Variants in SMG7 observed in about 807,000 individuals in gnomAD.
The protein encoded by SMG7 is SMG7 nonsense mediated mRNA decay factor, also known as nonsense-mediated mRNA decay factor SMG7.
A neutral mutation model predicts 148.2 loss-of-function variants in SMG7; 34 were observed. The observed-to-expected ratio is 0.23, with a 90% CI of 0.17 to 0.31. The LOEUF (loss-of-function observed/expected upper bound fraction) is 0.31. Ranked by LOEUF, SMG7 falls within the 10% of genes least tolerant of loss-of-function variation. The probability of loss-of-function intolerance (pLI) is 1.00; values close to 1 mark genes in which losing one functional copy is unlikely to be tolerated. For missense variants in SMG7, 1,114 were observed against 1,408.4 expected, an observed-to-expected ratio of 0.79 and a Z score of 3.35; for synonymous variants, 492 against 515.1, an observed-to-expected ratio of 0.96 and a Z score of 0.61.
Position 183,552,334 on chromosome 1 carries a change from A to G in SMG7, c.*403A>G. ...TTCCTCTTTGGGGAATAAAATAGGA[A>G]TCCATTAATGATTGCTTTGCTGACT... On this transcript the variant is annotated 3_prime_UTR_variant, in exon 23 of 23. Transcript: ENST00000688051. The G allele has an allele frequency of 1.0e-6, 1 of 996,658 alleles. No homozygotes were observed. Among genetic ancestry groups the G allele is most frequent in the Non-Finnish European group, 1.2e-6 (1 of 837,230 alleles). 61.7% of individuals were successfully genotyped at this position (996,658 alleles called of 1,614,324 possible).
intron 1 of SMG7, among the ~76,000 whole-genome samples, chr1:183,484,352 G>GA (rs34570462): frequency 2.8e-4 from 40 of 142,868 alleles, no homozygotes; most frequent in Middle Eastern, 7.2e-3. Flanking sequence ...ATTTTTTTCT[G>GA]AAAAAAAATT....
chr1:183,542,085 G>A lies in SMG7; in HGVS notation c.1425G>A (p.Gln475=). The change falls in exon 14 of 23, where the codon CAG becomes CAA. Residue 475 remains glutamine (Q), a synonymous_variant. Transcript: ENST00000688051. ...ATTTTTGCTTTTTTAGGCTGATTCA[G>A]TGTGAAAATGAGGTAGGGAAATTGT... The part of the protein sequence containing the change: ...WIADNQPRLI[Q]CENEVGKLLF... The A allele has an allele frequency of 6.2e-7, 1 of 1,608,930 alleles. No individual in the cohort carries two copies. The highest frequency in any genetic ancestry group is 8.5e-7 in the Non-Finnish European group (1 of 1,176,816).
At chr1:183,499,007 A>G (rs533542136) in intron 1 of SMG7, among the ~76,000 whole-genome samples, 135 of 152,204 alleles carry the variant, frequency 8.9e-4, no homozygotes, top group African/African-American at 3.2e-3. Flanking sequence ...TTGGAATCCT[A>G]TGGTATATAG....
intron 9 of SMG7, 102 bp downstream of exon 9, chr1:183,533,428 T>C: frequency 8.0e-7 from 1 of 1,247,580 alleles, no homozygotes; most frequent in Non-Finnish European, 1.1e-6. Context: ...AAGCATAGTG[T>C]ATTTCTTACA....
rs755901679 is a variant in SMG7 at position 183,515,895 on chromosome 1, A to C, written c.83A>C (p.Glu28Ala). The C allele has an allele frequency of 1.9e-6, 3 of 1,612,070 alleles. No individual in the cohort carries two copies. In the East Asian group the frequency reaches 6.7e-5, roughly 36 times the overall value. Residue 28 changes from glutamate to alanine, a missense_variant, in exon 3 of 23, where the codon GAA becomes GCA. Glu to Ala is a moderately radical substitution (Grantham distance 107, BLOSUM62 -1). Transcript: ENST00000688051. ...TCAGATTCTAAGCTGGGTCCAGCTG[A>C]AGTCTGGACATCCAGGCAGGCTCTG... is the stretch of plus-strand genomic sequence containing the variant. ...DMTDSKLGPA[E>A]VWTSRQALQD...
chr1:183,525,937 A>C (rs1665742920), intron 4 of SMG7, among the ~76,000 whole-genome samples: 1 of 152,078 alleles, frequency 6.6e-6, no homozygotes, highest in African/African-American at 2.4e-5. Flanking sequence ...AATATTTAAT[A>C]ATTTTTGGGT....
At chr1:183,504,539 A>C (rs1054173477) in intron 1 of SMG7, among the ~76,000 whole-genome samples, 5 of 151,926 alleles carry the variant, frequency 3.3e-5, no homozygotes, top group African/African-American at 1.2e-4. Flanking sequence ...CAGTTTCACC[A>C]TGTTGGCCAG....
At chr1:183,529,641 G>A in intron 8 of SMG7, 108 bp downstream of exon 8, 1 of 820,136 alleles carries the variant, frequency 1.2e-6, no homozygotes, top group Non-Finnish European at 1.9e-6. Flanking sequence ...GTGAACTATT[G>A]GTAAAAATTA....
At chr1:183,501,906 A>G (rs189456516) in intron 1 of SMG7, among the ~76,000 whole-genome samples, 1 of 152,224 alleles carries the variant, frequency 6.6e-6, no homozygotes, top group East Asian at 1.9e-4. Flanking sequence ...TTTCTTCAGT[A>G]AGGAGTCCAT....
chr1:183,554,076 TC>T lies in SMG7; in HGVS notation c.*2146del, dbSNP rs1329868074. On this transcript the variant is annotated 3_prime_UTR_variant, in exon 23 of 23. Coordinates refer to ENST00000688051, the MANE Select transcript of SMG7 (RefSeq NM_001375584.1). The stretch of plus-strand genomic sequence containing the variant: ...GAAACTGGTTTTGTGTAGTAAACTT[TC>T]TTTTGTGGTTTTTTGTTTTGTTTTC... The T allele has an allele frequency of 3.3e-5, 5 of 152,752 alleles. No homozygotes were observed. In the East Asian group the frequency reaches 9.7e-4, roughly 29 times the overall value. 9.5% of individuals were successfully genotyped at this position (152,752 alleles called of 1,614,324 possible).
In SMG7 at chr1:183,513,758, G is replaced by A. The variant is rs192234100; in HGVS notation, c.61+890G>A. On this transcript the variant is annotated intron_variant, in intron 2 of 22. Coordinates refer to ENST00000688051, the MANE Select transcript of SMG7 (RefSeq NM_001375584.1). ...GAAAGGAGTAAATGAGGCATGGTGC[G>A]GTGGCTCACGCCTGTAATCCCAGCA... Among the ~76,000 whole-genome samples the A allele has an allele frequency of 3.8e-3, 578 of 152,002 alleles. 2 individuals carry two copies. Among genetic ancestry groups the A allele is most frequent in the African/African-American group, 0.013 (548 of 41,512 alleles).
chr1:183,544,538 T>G, intron 15 of SMG7, 41 bp downstream of exon 15: 1 of 1,595,106 alleles, frequency 6.3e-7, no homozygotes. Flanking sequence ...ATCTTTTCTG[T>G]GCAAGAATTT....
chr1:183,551,373 G>C (rs1458377019), intron 22 of SMG7, among the ~76,000 whole-genome samples, 183 bp downstream of exon 22: 1 of 152,182 alleles, frequency 6.6e-6, no homozygotes, highest in Admixed American at 6.5e-5. Flanking sequence ...TTTAATTTCT[G>C]AATTCACTAG....
intron 17 of SMG7, among the ~76,000 whole-genome samples, 181 bp from the exon 18 acceptor site, chr1:183,546,922 T>A (rs551144082): frequency 1.3e-5 from 2 of 152,372 alleles, no homozygotes; most frequent in African/African-American, 4.8e-5. Context: ...TTGAACTTTC[T>A]CCATTATTGT....
At chr1:183,512,974 G>A (rs529317250) in intron 2 of SMG7, 106 bp downstream of exon 2, 641 of 990,588 alleles carry the variant, frequency 6.5e-4, no homozygotes, top group Non-Finnish European at 8.9e-4. Context: ...CATCTTAGTT[G>A]CCAAAAGGGA....
intron 1 of SMG7, among the ~76,000 whole-genome samples, chr1:183,510,208 T>A (rs1400295878): frequency 6.6e-6 from 1 of 152,170 alleles, no homozygotes; most frequent in African/African-American, 2.4e-5. Context: ...AAATGAAAGG[T>A]CATTCATTGA....
In SMG7 at chr1:183,546,041, G is replaced by C; in HGVS notation, c.2446G>C (p.Val816Leu). 1.2e-6 allele frequency: 2 copies of C among 1,613,928 alleles called. No individual in the cohort carries two copies. Among genetic ancestry groups the C allele is most frequent in the Non-Finnish European group, 1.7e-6 (2 of 1,179,948 alleles). The change falls in exon 17 of 23, where the codon GTG becomes CTG. Residue 816 changes from valine to leucine, a missense_variant. Around this residue, in one of 4 missense-constraint regions of SMG7, gnomAD observed 788 missense variants for 894.5 expected, o/e 0.88. Transcript: ENST00000688051. ...VQGPLGKIMP[V>L]KQPYYLQTQD... ...AGGCCCATTAGGGAAAATTATGCCT[G>C]TGAAACAGCCCTACTACCTTCAGAC...
In SMG7 at chr1:183,551,051, G is replaced by T; in HGVS notation, c.3311G>T (p.Gly1104Val). 6.2e-7 allele frequency: 1 copy of T among 1,614,058 alleles called. No individual in the cohort carries two copies. The highest frequency in any genetic ancestry group is 8.5e-7 in the Non-Finnish European group (1 of 1,179,978). Reference sequence around the variant, plus strand: ...ATCTCTTTTCATCCCTTAGCCATGGGTGGGTTTGGCATTGATTATCTCTCA... The same window carrying T: ...ATCTCTTTTCATCCCTTAGCCATGGTTGGGTTTGGCATTGATTATCTCTCA... ...DRWKTDKPAM[G>V]GFGIDYLSAT... Residue 1104 changes from glycine to valine, a missense_variant, in exon 22 of 23, where the codon GGT (glycine) becomes GTT (valine). By Grantham distance (109) the Gly-to-Val change is moderately radical. Around this residue, in one of 4 missense-constraint regions of SMG7, gnomAD observed 788 missense variants for 894.5 expected, o/e 0.88. Coordinates refer to ENST00000688051, the MANE Select transcript of SMG7 (RefSeq NM_001375584.1).
intron 1 of SMG7, among the ~76,000 whole-genome samples, chr1:183,497,724 C>T (rs540499590): frequency 8.7e-4 from 132 of 152,136 alleles, no homozygotes; most frequent in African/African-American, 3.0e-3. Context: ...CGCCCGCCAC[C>T]GTGCCCGGCT....
Sources: gnomAD v4.1 joint callset for allele counts (sites outside exome capture counted in the v4.1 genomes callset) on GRCh38, gnomAD v4.1.1 for gene constraint, gnomAD v4.1.1 regional missense constraint, MANE v1.5 for transcripts, NCBI Gene and HGNC (gene_info 2026-07-23, HGNC 2026-07-21) for gene names.